NKAIN2: variants seen among roughly 807,000 people sequenced by gnomAD.
NKAIN2 encodes sodium/potassium transporting ATPase interacting 2.
NKAIN2 carries 14 observed loss-of-function variants against 32.6 expected under a neutral mutation model. The observed-to-expected ratio is 0.43, with a 90% CI of 0.28 to 0.67. The LOEUF (loss-of-function observed/expected upper bound fraction) is 0.67. Among genes scored for constraint, NKAIN2 ranks in the 30% least tolerant of loss-of-function variants. The pLI, the probability that NKAIN2 is intolerant of heterozygous loss-of-function variation, is 0.17. For missense variants in NKAIN2, 198 were observed against 258.3 expected (o/e 0.77, Z 1.60); for synonymous variants, 80 against 87.2 (o/e 0.92, Z 0.46).
chr6:124,538,808 G>C (rs1271866664), intron 3 of NKAIN2, among the ~76,000 whole-genome samples: 1 of 151,860 alleles, frequency 6.6e-6, no homozygotes, highest in Non-Finnish European at 1.5e-5. Context: ...CATTCGCTCG[G>C]TTTAACTAGA....
At chr6:123,916,432 T>C (rs1189737397) in intron 1 of NKAIN2, among the ~76,000 whole-genome samples, 2 of 152,092 alleles carry the variant, frequency 1.3e-5, no homozygotes, top group Non-Finnish European at 2.9e-5. Flanking sequence ...GGCTAATTTT[T>C]TTTGTATTTT....
chr6:124,698,138 A>AGTCCCAGTGGAC (rs1774592378), intron 4 of NKAIN2, among the ~76,000 whole-genome samples: 1 of 152,204 alleles, frequency 6.6e-6, no homozygotes, highest in Non-Finnish European at 1.5e-5. Flanking sequence ...TGTCTCAGGA[A>AGTCCCAGTGGAC]GTCCCAGTGG....
At chr6:123,856,729 G>C (rs748382661) in intron 1 of NKAIN2, among the ~76,000 whole-genome samples, 1 of 152,096 alleles carries the variant, frequency 6.6e-6, no homozygotes. Context: ...CAGATTTGGG[G>C]CTCCACCACA....
At chr6:124,726,973 T>G (rs1304180006) in intron 4 of NKAIN2, among the ~76,000 whole-genome samples, 1 of 144,760 alleles carries the variant, frequency 6.9e-6, no homozygotes, top group South Asian at 2.3e-4. Flanking sequence ...GAAGATGAAA[T>G]GAATGAAATG....
chr6:124,130,435 T>C (rs1243752061), intron 1 of NKAIN2, among the ~76,000 whole-genome samples: 1 of 152,210 alleles, frequency 6.6e-6, no homozygotes, highest in African/African-American at 2.4e-5. Flanking sequence ...ATGTTTTTCA[T>C]TTTAACTACT....
At chr6:124,069,402 A>G (rs1783334784) in intron 1 of NKAIN2, among the ~76,000 whole-genome samples, 1 of 152,124 alleles carries the variant, frequency 6.6e-6, no homozygotes, top group Non-Finnish European at 1.5e-5. Context: ...ACGTTCATCC[A>G]CTTGGGGCAG....
chr6:124,322,522 A>T (rs1303759913), intron 2 of NKAIN2, among the ~76,000 whole-genome samples: 2 of 152,202 alleles, frequency 1.3e-5, no homozygotes, highest in Non-Finnish European at 2.9e-5. Context: ...ACCACCTTAT[A>T]GTTATACCCA....
chr6:123,922,790 A>G (rs1260366567), intron 1 of NKAIN2, among the ~76,000 whole-genome samples: 1 of 152,174 alleles, frequency 6.6e-6, no homozygotes, highest in African/African-American at 2.4e-5. Context: ...AGGTAATTAG[A>G]AAGCTAATAT....
chr6:124,210,599 C>T (rs1320572400), intron 1 of NKAIN2, among the ~76,000 whole-genome samples: 4 of 151,724 alleles, frequency 2.6e-5, no homozygotes, highest in African/African-American at 2.4e-5. Flanking sequence ...TCTTCAATTT[C>T]CTTCATCAAT....
intron 2 of NKAIN2, among the ~76,000 whole-genome samples, chr6:124,284,883 C>T (rs749682771): frequency 1.3e-5 from 2 of 150,786 alleles, no homozygotes; most frequent in Admixed American, 6.6e-5. Flanking sequence ...ATTTCTGTCC[C>T]TTTTATCCTA....
intron 3 of NKAIN2, among the ~76,000 whole-genome samples, chr6:124,436,719 C>T (rs915917368): frequency 6.6e-6 from 1 of 152,126 alleles, no homozygotes; most frequent in Admixed American, 6.5e-5. Flanking sequence ...TCCAGGCCAC[C>T]AGGATCTCCT....
At chr6:124,402,318 G>A (rs1190944503) in intron 3 of NKAIN2, among the ~76,000 whole-genome samples, 1 of 152,108 alleles carries the variant, frequency 6.6e-6, no homozygotes, top group African/African-American at 2.4e-5. Context: ...GCGTGAAGTA[G>A]GATTCAAGTT....
chr6:124,053,079 T>G (rs1235213082), intron 1 of NKAIN2, among the ~76,000 whole-genome samples: 1 of 151,988 alleles, frequency 6.6e-6, no homozygotes, highest in Non-Finnish European at 1.5e-5. Context: ...CTTTTAAATT[T>G]TATTTTATTA....
At chr6:124,811,952 A>AT (rs1272038672) in intron 5 of NKAIN2, among the ~76,000 whole-genome samples, 1 of 151,954 alleles carries the variant, frequency 6.6e-6, no homozygotes, top group Non-Finnish European at 1.5e-5. Context: ...AGAAAGTACA[A>AT]TTTTTTTTCA....
At chr6:123,812,428 T>G (rs1255260572) in intron 1 of NKAIN2, among the ~76,000 whole-genome samples, 1 of 152,198 alleles carries the variant, frequency 6.6e-6, no homozygotes, top group African/African-American at 2.4e-5. Context: ...GAATAGAAAC[T>G]TGTTTTCAGA....
Position 124,825,317 on chromosome 6 carries a change from C to G in NKAIN2, c.*2088C>G, listed in dbSNP as rs1231541484. The stretch of plus-strand genomic sequence containing the variant: ...TTCACCAAATCACAACTATCATCAC[C>G]ACCAAAATTTTAAAAAACAGTAGTT... On this transcript the variant is annotated 3_prime_UTR_variant, in exon 7 of 7. Coordinates refer to ENST00000368417, the MANE Select transcript of NKAIN2 (RefSeq NM_001040214.3). The G allele has an allele frequency of 6.6e-6, 1 of 152,516 alleles. No homozygotes were observed. Among genetic ancestry groups the G allele is most frequent in the Non-Finnish European group, 1.5e-5 (1 of 68,012 alleles). The allele number at this position is 152,516 out of a possible 1,614,324, so 9.4% of individuals were successfully genotyped here.
At chr6:124,394,832 TG>T (rs1192841978) in intron 3 of NKAIN2, among the ~76,000 whole-genome samples, 1 of 152,192 alleles carries the variant, frequency 6.6e-6, no homozygotes, top group Non-Finnish European at 1.5e-5. Flanking sequence ...TAATAGTGTT[TG>T]ACCAAATGTC....
At chr6:124,650,421 T>C (rs1784327675) in intron 3 of NKAIN2, among the ~76,000 whole-genome samples, 2 of 152,090 alleles carry the variant, frequency 1.3e-5, no homozygotes, top group Admixed American at 1.3e-4. Context: ...AGGAAATATA[T>C]AGGTATCAAT....
At chr6:124,237,604 G>GT (rs1172589249) in intron 1 of NKAIN2, among the ~76,000 whole-genome samples, 1 of 152,114 alleles carries the variant, frequency 6.6e-6, no homozygotes, top group Non-Finnish European at 1.5e-5. Flanking sequence ...GTTGGTATGT[G>GT]TATGTATTTT....
Sources: allele counts gnomAD v4.1 joint callset (sites outside exome capture counted in the v4.1 genomes callset), GRCh38; gene constraint gnomAD v4.1.1; transcripts MANE v1.5; gene names NCBI Gene and HGNC (gene_info 2026-07-23, HGNC 2026-07-21).